The following CEP162 variants were observed in gnomAD, a reference collection of about 807,000 sequenced individuals.
CEP162 encodes the protein centrosomal protein 162.
CEP162 carries 141 observed loss-of-function variants against 169.2 expected under a neutral mutation model. The observed-to-expected ratio is 0.83, with a 90% CI of 0.73 to 0.96. The LOEUF is 0.96. Among genes scored for constraint, CEP162 ranks in the 40% least tolerant of loss-of-function variants. CEP162 has a pLI of 0.00. For synonymous variants in CEP162, 540 were observed against 526.4 expected (o/e 1.03, Z -0.35); for missense variants, 1,600 against 1,587.2 (o/e 1.01, Z -0.14).
chr6:84,196,001 C>T (rs949966777), intron 9 of CEP162, among the ~76,000 whole-genome samples: 1 of 152,176 alleles, frequency 6.6e-6, no homozygotes, highest in African/African-American at 2.4e-5. Flanking sequence ...TGTTCTACTA[C>T]CAGTATTTCC....
intron 13 of CEP162, among the ~76,000 whole-genome samples, chr6:84,184,193 G>A (rs2127710977): frequency 1.3e-5 from 2 of 152,072 alleles, no homozygotes; most frequent in Admixed American, 1.3e-4. Context: ...CCTCACTCTC[G>A]TACATTGTCA....
Position 84,174,827 on chromosome 6 carries a change from T to C in CEP162, c.1925A>G (p.Glu642Gly). Residue 642 changes from glutamate (E) to glycine (G), a missense_variant, in exon 15 of 27, where the codon GAA becomes GGA. Physicochemically the swap from Glu to Gly is moderately conservative, Grantham distance 98. Coordinates refer to ENST00000403245, the MANE Select transcript of CEP162 (RefSeq NM_014895.4). The stretch of plus-strand genomic sequence containing the variant: ...CTTATTTTCTAGTTCTTTCTCCTTT[T>C]CTGAGAATGTGGCTTTAATTTGCTC... ...LIEQIKATFS[E>G]KEKELENKLE... is the part of the protein sequence containing the mutation. The C allele has an allele frequency of 6.2e-7, 1 of 1,602,900 alleles. No individual in the cohort carries two copies. Among genetic ancestry groups the C allele is most frequent in the Non-Finnish European group, 8.5e-7 (1 of 1,172,432 alleles).
chr6:84,175,049 A>G, intron 14 of CEP162, 95 bp from the exon 15 acceptor site: 1 of 954,436 alleles, frequency 1.0e-6, no homozygotes, highest in Non-Finnish European at 1.5e-6. Flanking sequence ...GGACATGGTT[A>G]ATAATGTTCT....
At chr6:84,160,727 C>T in intron 21 of CEP162, 85 bp downstream of exon 21, 1 of 796,592 alleles carries the variant, frequency 1.3e-6, no homozygotes, top group Non-Finnish European at 2.1e-6. Context: ...TCAACTCCAT[C>T]TCATGGGAAC....
At chr6:84,201,283 CAACA>C (rs143611774) in intron 8 of CEP162, among the ~76,000 whole-genome samples, 17,022 of 151,304 alleles carry the variant, frequency 0.11, 2,490 homozygotes, top group African/African-American at 0.35. Context: ...GTCTCACAAA[CAACA>C]AACAAACAAA....
At chr6:84,186,277 C>T (rs1032618933) in intron 12 of CEP162, 55 bp downstream of exon 12, 2 of 991,618 alleles carry the variant, frequency 2.0e-6, no homozygotes, top group African/African-American at 3.2e-5. Flanking sequence ...TACTTATATA[C>T]TTTACATAAC....
intron 21 of CEP162, among the ~76,000 whole-genome samples, chr6:84,156,953 G>C (rs1018463243): frequency 6.6e-6 from 1 of 152,012 alleles, no homozygotes; most frequent in African/African-American, 2.4e-5. Flanking sequence ...AGACACTGGA[G>C]ACTACAAAAG....
At chr6:84,163,361 G>C (rs9449815) in intron 18 of CEP162, 91 bp from the exon 19 acceptor site, 2 of 913,156 alleles carry the variant, frequency 2.2e-6, no homozygotes, top group East Asian at 5.2e-5. Context: ...TGAACACTAC[G>C]GCAAAATATT....
intron 21 of CEP162, among the ~76,000 whole-genome samples, 182 bp downstream of exon 21, chr6:84,160,630 A>C (rs1407046258): frequency 6.6e-6 from 1 of 152,194 alleles, no homozygotes; most frequent in Admixed American, 6.6e-5. Flanking sequence ...CATTAGTCTA[A>C]AAATTATGTA....
chr6:84,204,859 C>A (rs189295037), intron 6 of CEP162, among the ~76,000 whole-genome samples: 5 of 152,186 alleles, frequency 3.3e-5, no homozygotes, highest in East Asian at 1.9e-4. Context: ...AGAGAAGAAT[C>A]AAACAGATGC....
chr6:84,205,304 T>G (rs1446202573), intron 6 of CEP162, among the ~76,000 whole-genome samples: 1 of 152,158 alleles, frequency 6.6e-6, no homozygotes, highest in Non-Finnish European at 1.5e-5. Flanking sequence ...ATATCCCTGA[T>G]GAACATGGAT....
intron 25 of CEP162, among the ~76,000 whole-genome samples, chr6:84,127,292 T>A (rs924861579): frequency 3.3e-5 from 5 of 151,874 alleles, no homozygotes; most frequent in African/African-American, 1.2e-4. Flanking sequence ...AACTCTTGTT[T>A]TCTATGAAAA....
Position 84,185,302 on chromosome 6 carries a change from G to T in CEP162, c.1548C>A (p.Gly516=). 1 of 1,613,658 alleles carries T rather than the reference G, an allele frequency of 6.2e-7. No individual in the cohort carries two copies. The highest frequency in any genetic ancestry group is 8.5e-7 in the Non-Finnish European group (1 of 1,179,676). The change falls in exon 13 of 27, where the codon GGC becomes GGA. Residue 516 remains glycine, a synonymous_variant. Coordinates refer to ENST00000403245, the MANE Select transcript of CEP162 (RefSeq NM_014895.4). ...ACATCTTGAGTGGTGAACTGGGTTTGCCATAGCCTGAGCTCCTAACTGACG... is the reference window on the plus strand; with the variant it reads ...ACATCTTGAGTGGTGAACTGGGTTTTCCATAGCCTGAGCTCCTAACTGACG... ...LYASVRSSGY[G]KPSSPLKMFS...
At position 84,185,355 on chromosome 6, in the gene CEP162, T is replaced by A; in HGVS notation, c.1495A>T (p.Lys499Ter). The change falls in exon 13 of 27, where the codon AAA becomes TAA. Residue 499 changes from lysine (K) to a stop codon, truncating the protein, a stop_gained. Transcript: ENST00000403245. LOFTEE classifies it high-confidence loss of function. The stretch of plus-strand genomic sequence containing the variant: ...TATAATCCACTCTGGGGTTTCCTTT[T>A]AAGTAAAGGAGGTGCACTTCTGGCC... ...KKARSAPPLLKRKPQSGLYAS... is the reference protein window; with the variant it reads ...KKARSAPPLL The A allele has an allele frequency of 6.2e-7, 1 of 1,613,570 alleles. No individual in the cohort carries two copies.
chr6:84,141,679 G>T (rs761249304), intron 25 of CEP162, among the ~76,000 whole-genome samples: 1 of 152,136 alleles, frequency 6.6e-6, no homozygotes, highest in Non-Finnish European at 1.5e-5. Context: ...CAGGGCCGGG[G>T]TGTATAGGTT....
chr6:84,178,521 A>G (rs2099533327), intron 13 of CEP162, among the ~76,000 whole-genome samples: 1 of 152,204 alleles, frequency 6.6e-6, no homozygotes, highest in Admixed American at 6.5e-5. Context: ...ACCATTGAGC[A>G]TCTTTGCAAA....
intron 14 of CEP162, 24 bp downstream of exon 14, chr6:84,175,190 T>C (rs2099531923): frequency 1.4e-6 from 2 of 1,428,800 alleles, no homozygotes; most frequent in African/African-American, 2.9e-5. Flanking sequence ...TAAAACATTA[T>C]GATTATTAAT....
rs182043215 is a variant in CEP162, at chr6:84,189,676, C to T, written c.1110-3053G>A. On this transcript the variant is annotated intron_variant, in intron 11 of 26. Coordinates refer to ENST00000403245, the MANE Select transcript of CEP162 (RefSeq NM_014895.4). ...ACCCACTCCATGGGCTCCTGTGTGG[C>T]CCAAGCCTCCCCGACGAGCACCACC... Among the ~76,000 whole-genome samples, 198 of 152,326 alleles carry T rather than the reference C, an allele frequency of 1.3e-3. 1 individual carries two copies. Among genetic ancestry groups the T allele is most frequent in the African/African-American group, 4.0e-3 (166 of 41,594 alleles).
chr6:84,146,940 C>G (rs1253495188), intron 24 of CEP162, among the ~76,000 whole-genome samples, 155 bp from the exon 25 acceptor site: 1 of 152,060 alleles, frequency 6.6e-6, no homozygotes, highest in Non-Finnish European at 1.5e-5. Flanking sequence ...ATAGAGATTT[C>G]TCAAAAAACT....
Sources: allele counts gnomAD v4.1 joint callset (sites outside exome capture counted in the v4.1 genomes callset), GRCh38; gene constraint gnomAD v4.1.1; transcripts MANE v1.5; gene names NCBI Gene and HGNC (gene_info 2026-07-23, HGNC 2026-07-21).